The following AUTS2 variants were observed in gnomAD, a reference collection of about 807,000 sequenced individuals.
AUTS2 encodes the protein autism susceptibility gene 2 protein.
Under a neutral mutation model 112.4 loss-of-function variants are expected in AUTS2, and 17 were observed. The observed-to-expected ratio is 0.15, with a 90% CI of 0.10 to 0.23. The LOEUF (loss-of-function observed/expected upper bound fraction) is 0.23. Among genes scored for constraint, AUTS2 ranks in the 10% least tolerant of loss-of-function variants. The pLI, the probability that AUTS2 is intolerant of heterozygous loss-of-function variation, is 1.00. For missense variants in AUTS2, 1,510 were observed against 1,701.6 expected, an observed-to-expected ratio of 0.89 and a Z score of 1.98; for synonymous variants, 751 against 702.7, an observed-to-expected ratio of 1.07 and a Z score of -1.09.
intron 4 of AUTS2, among the ~76,000 whole-genome samples, chr7:70,177,244 C>A (rs994123291): frequency 2.6e-5 from 4 of 152,136 alleles, no homozygotes; most frequent in Non-Finnish European, 4.4e-5. Context: ...CAAGTAATAA[C>A]TCACTTCTTC....
chr7:70,602,254 T>A (rs62455839), intron 5 of AUTS2, among the ~76,000 whole-genome samples: 42,723 of 152,110 alleles, frequency 0.28, 6,278 homozygotes, highest in Middle Eastern at 0.36. Flanking sequence ...TCATGCCATC[T>A]AACTTACAAA....
Position 70,631,417 on chromosome 7 carries a change from G to A in AUTS2, c.691-67152G>A, listed in dbSNP as rs1454146699. ...CGTGTCGGGCATGCTGCTCTGTGCG[G>A]GAAGAGGCTCGTTTCAGAGGAAGCG... On this transcript the variant is annotated intron_variant, in intron 5 of 18. Coordinates refer to ENST00000342771, the MANE Select transcript of AUTS2 (RefSeq NM_015570.4). This position sits in a 1 kb window ranked among gnomAD's most constrained non-coding sequence, Gnocchi z 4.5. Among the ~76,000 whole-genome samples the A allele has an allele frequency of 2.6e-5, 4 of 152,214 alleles. No individual in the cohort carries two copies. The highest frequency in any genetic ancestry group is 9.7e-5 in the African/African-American group (4 of 41,448).
chr7:69,628,345 G>T (rs1794062117), intron 1 of AUTS2, among the ~76,000 whole-genome samples: 1 of 152,146 alleles, frequency 6.6e-6, no homozygotes, highest in African/African-American at 2.4e-5. Context: ...GCAAACAAAT[G>T]TGGTAAATAG....
chr7:69,831,863 A>G (rs561247381), intron 1 of AUTS2, among the ~76,000 whole-genome samples: 1 of 152,292 alleles, frequency 6.6e-6, no homozygotes, highest in South Asian at 2.1e-4. Flanking sequence ...ACATCACTTT[A>G]CTTAATAATT....
At chr7:69,912,502 TG>T (rs1353021343) in intron 2 of AUTS2, among the ~76,000 whole-genome samples, 5 of 152,218 alleles carry the variant, frequency 3.3e-5, no homozygotes, top group Non-Finnish European at 7.4e-5. Flanking sequence ...CTGCCATCAC[TG>T]GGACCATGTA....
At chr7:70,643,674 C>A (rs1470193426) in intron 5 of AUTS2, among the ~76,000 whole-genome samples, 3 of 152,200 alleles carry the variant, frequency 2.0e-5, no homozygotes, top group African/African-American at 7.2e-5. Flanking sequence ...TAAGACAGGT[C>A]TCTGGGAATT....
chr7:70,065,868 G>C (rs894406608), intron 2 of AUTS2, among the ~76,000 whole-genome samples: 18 of 152,132 alleles, frequency 1.2e-4, no homozygotes, highest in African/African-American at 4.3e-4. Context: ...ACCATGCACA[G>C]CTATTTAATA....
chr7:69,654,172 G>C (rs532759853), intron 1 of AUTS2, among the ~76,000 whole-genome samples: 1 of 152,278 alleles, frequency 6.6e-6, no homozygotes, highest in East Asian at 1.9e-4. Flanking sequence ...AATTTGCCAG[G>C]AAGAGTCCAC....
At chr7:69,734,420 T>A (rs1266488011) in intron 1 of AUTS2, among the ~76,000 whole-genome samples, 1 of 151,540 alleles carries the variant, frequency 6.6e-6, no homozygotes, top group Non-Finnish European at 1.5e-5. Flanking sequence ...TTGTATTTTT[T>A]AAAAATCTGC....
chr7:70,458,232 C>T (rs1168002760), intron 5 of AUTS2, among the ~76,000 whole-genome samples: 2 of 152,176 alleles, frequency 1.3e-5, no homozygotes, highest in Non-Finnish European at 2.9e-5. Flanking sequence ...TCCTCTGCCT[C>T]GTATAATTTA....
intron 5 of AUTS2, among the ~76,000 whole-genome samples, chr7:70,660,684 GT>G (rs1585459053): frequency 6.6e-6 from 1 of 152,190 alleles, no homozygotes; most frequent in African/African-American, 2.4e-5. Flanking sequence ...TGTGCATCCT[GT>G]CGTCATGTCC....
chr7:70,712,193 C>CTTTTTTTTTT (rs67326941), intron 6 of AUTS2, among the ~76,000 whole-genome samples: 2 of 45,178 alleles, frequency 4.4e-5, no homozygotes, highest in African/African-American at 2.0e-4. Context: ...GCCTGGCTCA[C>CTTTTTTTTTT]TTTTTTTTTT....
intron 5 of AUTS2, among the ~76,000 whole-genome samples, chr7:70,546,395 G>A (rs575826500): frequency 1.3e-5 from 2 of 152,204 alleles, no homozygotes; most frequent in South Asian, 4.2e-4. Context: ...AGTGAGCCGA[G>A]ATTGCACCAC....
intron 2 of AUTS2, among the ~76,000 whole-genome samples, chr7:70,075,110 T>A (rs1802963820): frequency 6.6e-6 from 1 of 152,218 alleles, no homozygotes; most frequent in Non-Finnish European, 1.5e-5. Flanking sequence ...TATTTTGCTT[T>A]CAGCTTCTGC....
At position 70,670,069 on chromosome 7, in the gene AUTS2, C is replaced by T. The variant is rs185592389; in HGVS notation, c.691-28500C>T. On this transcript the variant is annotated intron_variant, in intron 5 of 18. Transcript: ENST00000342771. The stretch of plus-strand genomic sequence containing the variant: ...ACGTTCACTGTAGGCGCACCTCAGG[C>T]ACACCCCGTCCCTGCTACGCTACAC... 5.1e-4 allele frequency among the ~76,000 whole-genome samples: 78 copies of T among 152,288 alleles called. 1 individual carries two copies. The highest frequency in any genetic ancestry group is 3.9e-3 in the South Asian group (19 of 4,830).
At chr7:69,643,648 G>A (rs1158866853) in intron 1 of AUTS2, among the ~76,000 whole-genome samples, 2 of 145,728 alleles carry the variant, frequency 1.4e-5, no homozygotes, top group African/African-American at 2.6e-5. Flanking sequence ...CCCCCACCCC[G>A]CCCCCAGCAC....
At chr7:70,326,524 C>T (rs772260034) in intron 4 of AUTS2, among the ~76,000 whole-genome samples, 1 of 152,182 alleles carries the variant, frequency 6.6e-6, no homozygotes, top group South Asian at 2.1e-4. Context: ...AGGAAATGGA[C>T]GTACACCTGG....
intron 1 of AUTS2, among the ~76,000 whole-genome samples, chr7:69,801,831 A>G (rs1389097240): frequency 1.3e-5 from 2 of 152,214 alleles, no homozygotes; most frequent in Non-Finnish European, 2.9e-5. Context: ...AACGTCTAAT[A>G]TCTAGAGTAT....
intron 2 of AUTS2, among the ~76,000 whole-genome samples, chr7:70,017,038 T>C (rs1800061525): frequency 6.6e-6 from 1 of 152,230 alleles, no homozygotes; most frequent in Non-Finnish European, 1.5e-5. Flanking sequence ...CTACTGTTTT[T>C]GAACTGGCAC....
Sources: allele counts gnomAD v4.1 joint callset (sites outside exome capture counted in the v4.1 genomes callset), GRCh38; gene constraint gnomAD v4.1.1; non-coding constraint Gnocchi (gnomAD v3.1); transcripts MANE v1.5; gene names NCBI Gene and HGNC (gene_info 2026-07-23, HGNC 2026-07-21).